The following PPA2 variants were observed in gnomAD, a reference collection of about 807,000 sequenced individuals.
PPA2 encodes the protein inorganic pyrophosphatase 2, mitochondrial.
Under a neutral mutation model 49.5 loss-of-function variants are expected in PPA2, and 48 were observed. The ratio of observed to expected loss-of-function variants is 0.97; its 90% confidence interval spans 0.77 to 1.23. The LOEUF (loss-of-function observed/expected upper bound fraction) is 1.23, where lower values mean the gene tolerates loss of function less well. Ranked by LOEUF, PPA2 falls within the 50% of genes most tolerant of loss-of-function variation. PPA2 has a pLI of 0.00. For missense variants in PPA2, 429 were observed against 410.1 expected (o/e 1.05, Z -0.40); for synonymous variants, 131 against 139.9 (o/e 0.94, Z 0.45).
chr4:105,374,426 C>A (rs892816931), intron 10 of PPA2, among the ~76,000 whole-genome samples: 11 of 152,150 alleles, frequency 7.2e-5, no homozygotes, highest in African/African-American at 2.4e-4. Context: ...AAAATGCTAT[C>A]TACTCCTCTT....
intron 6 of PPA2, among the ~76,000 whole-genome samples, chr4:105,427,682 A>T (rs1357431036): frequency 6.6e-6 from 1 of 152,236 alleles, no homozygotes; most frequent in African/African-American, 2.4e-5. Flanking sequence ...AAAGCCTCCA[A>T]GAAATATAGG....
At chr4:105,419,187 A>T (rs1723142278) in intron 7 of PPA2, among the ~76,000 whole-genome samples, 1 of 152,074 alleles carries the variant, frequency 6.6e-6, no homozygotes, top group South Asian at 2.1e-4. Flanking sequence ...TTTAAGTTTT[A>T]GGGTACATAT....
chr4:105,420,695 C>T (rs1253094729), intron 7 of PPA2, among the ~76,000 whole-genome samples: 1 of 151,942 alleles, frequency 6.6e-6, no homozygotes, highest in Non-Finnish European at 1.5e-5. Flanking sequence ...AAAGTTACTG[C>T]ATTAGATATT....
At chr4:105,385,459 A>C (rs1274810292) in intron 10 of PPA2, among the ~76,000 whole-genome samples, 5 of 152,122 alleles carry the variant, frequency 3.3e-5, no homozygotes, top group African/African-American at 7.2e-5. Context: ...AACAAAAAAA[A>C]CAATAAATTA....
chr4:105,375,641 G>A (rs150162606), intron 10 of PPA2, among the ~76,000 whole-genome samples: 1 of 152,134 alleles, frequency 6.6e-6, no homozygotes, highest in African/African-American at 2.4e-5. Context: ...GTGATAAGAG[G>A]GTATCCCAGC....
chr4:105,439,060 T>G (rs1475804022), intron 5 of PPA2, among the ~76,000 whole-genome samples: 1 of 151,804 alleles, frequency 6.6e-6, no homozygotes, highest in African/African-American at 2.4e-5. Flanking sequence ...CTGCCCCAAA[T>G]ACTAATACTA....
intron 2 of PPA2, 31 bp from the exon 3 acceptor site, chr4:105,453,673 A>G: frequency 6.4e-7 from 1 of 1,562,234 alleles, no homozygotes; most frequent in Non-Finnish European, 8.8e-7. Context: ...AAAGACTGCA[A>G]TATTTCATGA....
chr4:105,377,778 A>G (rs913460621), intron 10 of PPA2, among the ~76,000 whole-genome samples: 21 of 152,254 alleles, frequency 1.4e-4, no homozygotes, highest in African/African-American at 4.8e-4. Flanking sequence ...CTAAAATTTT[A>G]TATAAATGGT....
intron 7 of PPA2, among the ~76,000 whole-genome samples, chr4:105,418,259 C>T (rs1304409351): frequency 1.3e-5 from 2 of 152,120 alleles, no homozygotes; most frequent in Non-Finnish European, 2.9e-5. Context: ...GATCACTATG[C>T]TATTCTTTTT....
At chr4:105,394,859 G>A (rs572534653) in intron 9 of PPA2, among the ~76,000 whole-genome samples, 1 of 152,200 alleles carries the variant, frequency 6.6e-6, no homozygotes, top group African/African-American at 2.4e-5. Flanking sequence ...AGACAGCAAA[G>A]AGCAAGCAAA....
chr4:105,471,451 G>A (rs185342900), intron 1 of PPA2, among the ~76,000 whole-genome samples: 15 of 152,246 alleles, frequency 9.9e-5, no homozygotes, highest in Non-Finnish European at 1.5e-4. Flanking sequence ...GCTCGAAAAT[G>A]TTCTACCTCC....
intron 3 of PPA2, among the ~76,000 whole-genome samples, chr4:105,452,436 AC>A: frequency 6.6e-6 from 1 of 152,348 alleles, no homozygotes; most frequent in Admixed American, 6.5e-5. Flanking sequence ...CTTGTGAAAT[AC>A]CTAGATTAAC....
chr4:105,469,022 A>G (rs1723419994), intron 1 of PPA2, among the ~76,000 whole-genome samples: 1 of 152,110 alleles, frequency 6.6e-6, no homozygotes, highest in Admixed American at 6.5e-5. Flanking sequence ...TAATAACCAT[A>G]TCTCCATTGG....
chr4:105,417,321 GACA>G (rs574410298), intron 7 of PPA2, among the ~76,000 whole-genome samples: 570 of 152,084 alleles, frequency 3.7e-3, no homozygotes, highest in Non-Finnish European at 6.6e-3. Context: ...ACTAACAGAA[GACA>G]ACAAGCTAAA....
At chr4:105,435,216 A>G (rs1046696370) in intron 6 of PPA2, among the ~76,000 whole-genome samples, 1 of 152,226 alleles carries the variant, frequency 6.6e-6, no homozygotes, top group African/African-American at 2.4e-5. Context: ...AGAAAGGAGC[A>G]TACCCCTAAC....
chr4:105,395,852 G>C (rs533554385), intron 9 of PPA2, among the ~76,000 whole-genome samples: 90 of 152,232 alleles, frequency 5.9e-4, no homozygotes, highest in African/African-American at 1.7e-3. Flanking sequence ...AAATGTTTAT[G>C]TTACTGTTAC....
chr4:105,461,393 C>A (rs568203643), intron 1 of PPA2, among the ~76,000 whole-genome samples: 2 of 152,306 alleles, frequency 1.3e-5, no homozygotes, highest in Admixed American at 1.3e-4. Flanking sequence ...TTCGCCAGAA[C>A]CACTCTTATC....
chr4:105,450,598 A>ATTTTTTTTTTTTTTTTTT (rs1560637285), intron 3 of PPA2, among the ~76,000 whole-genome samples: 1 of 63,322 alleles, frequency 1.6e-5, no homozygotes, highest in Non-Finnish European at 3.2e-5. Context: ...CTGGTCTGGA[A>ATTTTTTTTTTTTTTTTTT]TTCTTTTTTT....
At chr4:105,405,739 A>G in intron 7 of PPA2, 1 of 729,964 alleles carries the variant, frequency 1.4e-6, no homozygotes, top group Non-Finnish European at 2.0e-6. Context: ...CCTTATAAAC[A>G]GATTAACATC....
Sources: allele counts gnomAD v4.1 joint callset (sites outside exome capture counted in the v4.1 genomes callset), GRCh38; gene constraint gnomAD v4.1.1; transcripts MANE v1.5; gene names NCBI Gene and HGNC (gene_info 2026-07-23, HGNC 2026-07-21).